The following PRPSAP2 variants were observed in gnomAD, a reference collection of about 807,000 sequenced individuals.
PRPSAP2 encodes phosphoribosyl pyrophosphate synthetase associated protein 2.
In PRPSAP2, 24 loss-of-function variants were observed where a neutral mutation model predicts 40.6. The ratio of observed to expected loss-of-function variants is 0.59; its 90% CI spans 0.43 to 0.83. The LOEUF is 0.83. Among genes scored for constraint, PRPSAP2 ranks in the 40% least tolerant of loss-of-function variants. The pLI is 0.00. For synonymous variants in PRPSAP2, 149 were observed against 164.7 expected (o/e 0.90, Z 0.73); for missense variants, 292 against 465.6 (o/e 0.63, Z 3.43).
In PRPSAP2 at chr17:18,889,347, A is replaced by AAT. The variant is rs560239065; in HGVS notation, c.529-475_529-474insAT. Among the ~76,000 whole-genome samples the AAT allele has an allele frequency of 2.4e-4, 37 of 152,252 alleles. No homozygotes were observed. In the East Asian group the frequency reaches 7.1e-3, roughly 29 times the overall value. On this transcript the variant is annotated intron_variant, in intron 7 of 11. Coordinates refer to ENST00000268835, the MANE Select transcript of PRPSAP2 (RefSeq NM_002767.4). The stretch of plus-strand genomic sequence containing the variant: ...AAAAAGCAATGAGAATATAGTTAAT[A>AAT]TATTTTTTTAAAATAGTGCTGGGCC...
In PRPSAP2 at chr17:18,930,871, G is replaced by T; in HGVS notation, c.*173G>T. 2.1e-6 allele frequency: 1 copy of T among 470,152 alleles called. No individual in the cohort carries two copies. 29.1% of individuals were successfully genotyped at this position (470,152 alleles called of 1,614,324 possible). A position where few individuals can be genotyped will look rare whatever the true frequency, so the allele number is the denominator to read the frequency against. On this transcript the variant is annotated 3_prime_UTR_variant, in exon 12 of 12. Coordinates refer to ENST00000268835, the MANE Select transcript of PRPSAP2 (RefSeq NM_002767.4). ...TTTTTATGTCGGTTTGGGTGTTTGT[G>T]AGTTTGGGGAGCAATTTTTATAAAA... is the stretch of plus-strand genomic sequence containing the variant.
At chr17:18,917,609 T>A (rs1349711409) in intron 9 of PRPSAP2, 18 of 124,088 alleles carry the variant, frequency 1.5e-4, no homozygotes, top group African/African-American at 3.7e-4. Flanking sequence ...TTTTTTTTTT[T>A]TTTTTTTTTT....
intron 9 of PRPSAP2, among the ~76,000 whole-genome samples, chr17:18,922,668 ATTTTTT>A (rs57263191): frequency 0.049 from 4,402 of 89,760 alleles, 94 homozygotes; most frequent in Non-Finnish European, 0.068. Context: ...TATATATATA[ATTTTTT>A]TTTTTTTTTT....
chr17:18,915,025 CTT>C (rs35684867), intron 9 of PRPSAP2, among the ~76,000 whole-genome samples: 11 of 130,168 alleles, frequency 8.5e-5, no homozygotes, highest in Non-Finnish European at 8.1e-5. Flanking sequence ...TGCACCCGAC[CTT>C]TTTTTTTTTT....
intron 9 of PRPSAP2, among the ~76,000 whole-genome samples, chr17:18,912,338 C>G (rs1319062192): frequency 6.6e-6 from 1 of 152,118 alleles, no homozygotes; most frequent in Non-Finnish European, 1.5e-5. Context: ...CTTCGTAGAG[C>G]AGAGTCCTAA....
chr17:18,889,522 T>G (rs926669786), intron 7 of PRPSAP2, among the ~76,000 whole-genome samples: 1 of 152,200 alleles, frequency 6.6e-6, no homozygotes, highest in African/African-American at 2.4e-5. Context: ...TTACATGTAA[T>G]TAGGATTCTT....
intron 6 of PRPSAP2, among the ~76,000 whole-genome samples, chr17:18,880,153 C>T (rs1316011082): frequency 6.6e-6 from 1 of 152,110 alleles, no homozygotes; most frequent in Non-Finnish European, 1.5e-5. Context: ...GAGCCTACCC[C>T]ATTGTAAACA....
intron 9 of PRPSAP2, among the ~76,000 whole-genome samples, chr17:18,912,123 G>C (rs2040996841): frequency 6.6e-6 from 1 of 151,918 alleles, no homozygotes; most frequent in Non-Finnish European, 1.5e-5. Flanking sequence ...CAGAGGTTGT[G>C]GTGAGCCGAG....
In PRPSAP2 at chr17:18,928,848, C is replaced by T; in HGVS notation, c.842C>T (p.Ala281Val). Reference protein sequence around the residue: ...IIDDVDSFLAAAETLKERGAY... With the variant: ...IIDDVDSFLAVAETLKERGAY... ...GATGATGTTGACAGCTTTCTTGCTG[C>T]AGCAGAGACCCTGAAGGAAAGAGGT... The change falls in exon 11 of 12, where the codon GCA becomes GTA. Residue 281 changes from alanine (A) to valine (V), a missense_variant. Physicochemically the swap from Ala to Val is moderately conservative, Grantham distance 64. This residue lies in a region of PRPSAP2 where 241 missense variants were observed against 425.7 expected (regional missense o/e 0.57). Coordinates refer to ENST00000268835, the MANE Select transcript of PRPSAP2 (RefSeq NM_002767.4). 6.2e-7 allele frequency: 1 copy of T among 1,614,024 alleles called. No individual in the cohort carries two copies. Among genetic ancestry groups the T allele is most frequent in the Non-Finnish European group, 8.5e-7 (1 of 1,179,946 alleles).
rs181288699 is a variant in PRPSAP2 at position 18,911,397 on chromosome 17, G to A, written c.733+146G>A. The A allele has an allele frequency of 2.6e-4, 264 of 1,000,004 alleles. 4 individuals carry two copies. In the East Asian group the frequency reaches 5.0e-3, roughly 19 times the overall value. The allele number at this position is 1,000,004 out of a possible 1,614,324, so 61.9% of individuals were successfully genotyped here. A position where few individuals can be genotyped will look rare whatever the true frequency, so the allele number is the denominator to read the frequency against. The stretch of plus-strand genomic sequence containing the variant: ...CTTTCTTGGCCAGATAGTAGCGAAT[G>A]CATTTCTGATTACCTTGTAAATTGT... On this transcript the variant is annotated intron_variant, in intron 9 of 11. Transcript: ENST00000268835. The surrounding 1 kb of genome is among the most constrained non-coding windows in gnomAD (Gnocchi z 4.5).
rs773708343 is a variant in PRPSAP2 at position 18,930,752 on chromosome 17, C to CT, written c.*55dup. 2 of 1,477,374 alleles carry CT rather than the reference C, an allele frequency of 1.4e-6. No homozygotes were observed. Among genetic ancestry groups the CT allele is most frequent in the Non-Finnish European group, 1.8e-6 (2 of 1,081,188 alleles). The allele number at this position is 1,477,374 out of a possible 1,614,324, so 91.5% of individuals were successfully genotyped here. ...CAAACTGGAAACATAAGAGTGACTG[C>CT]TCGGTGGGATGGATTTCACAGGAAC... On this transcript the variant is annotated 3_prime_UTR_variant, in exon 12 of 12. Transcript: ENST00000268835.
intron 9 of PRPSAP2, among the ~76,000 whole-genome samples, chr17:18,912,340 G>C (rs1218342998): frequency 6.6e-6 from 1 of 152,136 alleles, no homozygotes; most frequent in East Asian, 1.9e-4. Context: ...TCGTAGAGCA[G>C]AGTCCTAACA....
At chr17:18,892,312 A>G (rs2039598830) in intron 8 of PRPSAP2, among the ~76,000 whole-genome samples, 1 of 151,774 alleles carries the variant, frequency 6.6e-6, no homozygotes. Context: ...TTGTGTTGGC[A>G]TAAGTTTTCA....
In PRPSAP2 at chr17:18,931,187, A is replaced by G. The variant is rs1321790681; in HGVS notation, c.*489A>G. ...ATTTTCTGCAACTAAAAAAGGAATA[A>G]AAACTTGTGTTTGTGTGTTTTTCTA... On this transcript the variant is annotated 3_prime_UTR_variant, in exon 12 of 12. Coordinates refer to ENST00000268835, the MANE Select transcript of PRPSAP2 (RefSeq NM_002767.4). 1 of 152,290 alleles carries G rather than the reference A, an allele frequency of 6.6e-6. No homozygotes were observed. Among genetic ancestry groups the G allele is most frequent in the Non-Finnish European group, 1.5e-5 (1 of 68,068 alleles). The allele number at this position is 152,290 out of a possible 1,614,324, so 9.4% of individuals were successfully genotyped here. A position where few individuals can be genotyped will look rare whatever the true frequency, so the allele number is the denominator to read the frequency against.
intron 4 of PRPSAP2, 98 bp from the exon 5 acceptor site, chr17:18,872,485 T>C: frequency 1.1e-6 from 1 of 897,774 alleles, no homozygotes; most frequent in Non-Finnish European, 1.8e-6. Flanking sequence ...TGAGTTGCCA[T>C]ATTCTATTAC....
intron 8 of PRPSAP2, among the ~76,000 whole-genome samples, chr17:18,909,480 A>G (rs983331421): frequency 4.0e-5 from 6 of 151,776 alleles, no homozygotes; most frequent in Middle Eastern, 3.4e-3. Context: ...TCCTGACCTC[A>G]TGATCCGCCC....
intron 3 of PRPSAP2, 110 bp downstream of exon 3, chr17:18,866,062 A>T: frequency 2.7e-6 from 2 of 729,558 alleles, no homozygotes; most frequent in Non-Finnish European, 3.6e-6. Context: ...TTATAATTAT[A>T]AAATAATTAT....
intron 3 of PRPSAP2, among the ~76,000 whole-genome samples, chr17:18,866,531 C>T (rs1411097322): frequency 6.6e-6 from 1 of 152,066 alleles, no homozygotes; most frequent in Non-Finnish European, 1.5e-5. Flanking sequence ...TGCACTCCAG[C>T]CTGGGCAACA....
chr17:18,869,865 T>TGTGTGTGTGTGTGTGTGTGA (rs745428673), intron 4 of PRPSAP2, among the ~76,000 whole-genome samples: 435 of 147,792 alleles, frequency 2.9e-3, no homozygotes, highest in Non-Finnish European at 3.5e-3. Flanking sequence ...TGTGTGTGTG[T>TGTGTGTGTGTGTGTGTGTGA]GAGACAGAGT....
Sources: allele counts gnomAD v4.1 joint callset (sites outside exome capture counted in the v4.1 genomes callset), GRCh38; gene constraint gnomAD v4.1.1; regional missense constraint gnomAD v4.1.1; non-coding constraint Gnocchi (gnomAD v3.1); transcripts MANE v1.5; gene names NCBI Gene and HGNC (gene_info 2026-07-23, HGNC 2026-07-21).